Variants in PTPRD observed in about 807,000 individuals in gnomAD.
The protein encoded by PTPRD is receptor-type tyrosine-protein phosphatase delta.
A neutral mutation model predicts 214.5 loss-of-function variants in PTPRD; 34 were observed. The observed-to-expected ratio is 0.16, with a 90% CI of 0.12 to 0.21. The LOEUF (loss-of-function observed/expected upper bound fraction) is 0.21, where lower values mean the gene tolerates loss of function less well. PTPRD is among the 10% of genes least tolerant of loss of function. The pLI, the probability that PTPRD is intolerant of heterozygous loss-of-function variation, is 1.00. For missense variants in PTPRD, 2,545 were observed against 2,398.7 expected, an observed-to-expected ratio of 1.06 and a Z score of -1.27; for synonymous variants, 1,128 against 845.7, an observed-to-expected ratio of 1.33 and a Z score of -5.79.
chr9:8,508,144 A>G (rs532511921), intron 21 of PTPRD, among the ~76,000 whole-genome samples: 4 of 152,360 alleles, frequency 2.6e-5, no homozygotes, highest in African/African-American at 9.6e-5. Flanking sequence ...TAAGAAGTTT[A>G]TAGGATACAC....
At chr9:9,366,163 T>C (rs1223593303) in intron 9 of PTPRD, among the ~76,000 whole-genome samples, 2 of 151,460 alleles carry the variant, frequency 1.3e-5, no homozygotes, top group African/African-American at 2.4e-5. Flanking sequence ...AATTACCAAC[T>C]GACCAATTTT....
At chr9:9,139,179 C>A (rs1295265821) in intron 10 of PTPRD, among the ~76,000 whole-genome samples, 1 of 147,702 alleles carries the variant, frequency 6.8e-6, no homozygotes, top group South Asian at 2.3e-4. Context: ...CAATTCTGAA[C>A]CCTATATTTA....
At chr9:10,221,997 TA>T (rs1482198067) in intron 3 of PTPRD, among the ~76,000 whole-genome samples, 6 of 151,686 alleles carry the variant, frequency 4.0e-5, no homozygotes, top group African/African-American at 1.5e-4. Flanking sequence ...TTGTTACTTA[TA>T]TCAGAAATAG....
intron 3 of PTPRD, among the ~76,000 whole-genome samples, chr9:10,161,276 C>T (rs2099125742): frequency 6.6e-6 from 1 of 151,718 alleles, no homozygotes; most frequent in African/African-American, 2.4e-5. Flanking sequence ...ACAAAAAGAA[C>T]AAAGCATCAC....
At chr9:8,801,803 G>A (rs1398592504) in intron 11 of PTPRD, among the ~76,000 whole-genome samples, 3 of 152,184 alleles carry the variant, frequency 2.0e-5, no homozygotes, top group Non-Finnish European at 4.4e-5. Context: ...TTCTTTCACT[G>A]TGTGCCATGT....
chr9:8,404,650 G>C lies in PTPRD; in HGVS notation c.4097C>G (p.Pro1366Arg). ...KFSQEYESID[P>R]GQQFTWEHSN... Reference sequence around the variant, plus strand: ...ATGTTCCCAAGTGAACTGCTGGCCAGGGTCAATTGACTTTAAAAGGAAAAC... The same window carrying C: ...ATGTTCCCAAGTGAACTGCTGGCCACGGTCAATTGACTTTAAAAGGAAAAC... Residue 1366 changes from proline (P) to arginine (R), a missense_variant, in exon 36 of 46, where the codon CCT (proline) becomes CGT (arginine). Physicochemically the swap from Pro to Arg is moderately radical, Grantham distance 103. Coordinates refer to ENST00000381196, the MANE Select transcript of PTPRD (RefSeq NM_002839.4). The C allele has an allele frequency of 6.2e-7, 1 of 1,609,488 alleles. No homozygotes were observed. The highest frequency in any genetic ancestry group is 8.5e-7 in the Non-Finnish European group (1 of 1,176,698).
chr9:9,968,581 G>A (rs2094871401), intron 4 of PTPRD, among the ~76,000 whole-genome samples: 1 of 152,124 alleles, frequency 6.6e-6, no homozygotes, highest in Non-Finnish European at 1.5e-5. Context: ...ACCAAAAAGA[G>A]GGTCTTTGCC....
chr9:9,336,926 T>C (rs1351755878), intron 9 of PTPRD, among the ~76,000 whole-genome samples: 1 of 152,192 alleles, frequency 6.6e-6, no homozygotes, highest in Admixed American at 6.6e-5. Flanking sequence ...TTTGACAGAA[T>C]ATATATAACA....
At chr9:9,072,573 T>A (rs1415652825) in intron 10 of PTPRD, among the ~76,000 whole-genome samples, 2 of 152,156 alleles carry the variant, frequency 1.3e-5, no homozygotes, top group African/African-American at 4.8e-5. Flanking sequence ...AATTATACTT[T>A]TATAAAAATA....
intron 12 of PTPRD, among the ~76,000 whole-genome samples, chr9:8,707,675 T>C (rs1208335505): frequency 1.3e-5 from 2 of 152,368 alleles, no homozygotes; most frequent in East Asian, 3.9e-4. Context: ...TCTGATTCCC[T>C]AATTATATTG....
chr9:9,774,320 A>G (rs1270595295), intron 5 of PTPRD, among the ~76,000 whole-genome samples: 7 of 152,236 alleles, frequency 4.6e-5, no homozygotes, highest in Non-Finnish European at 2.9e-5. Context: ...ATATTGATAC[A>G]TATTTACATA....
chr9:8,608,378 G>A (rs532972730), intron 14 of PTPRD, among the ~76,000 whole-genome samples: 2 of 152,266 alleles, frequency 1.3e-5, no homozygotes, highest in South Asian at 4.2e-4. Flanking sequence ...CTAATAAAGA[G>A]ATTAGATAGG....
In PTPRD at chr9:8,790,164, G is replaced by T. The variant is rs13293584; in HGVS notation, c.-103-56218C>A. The stretch of plus-strand genomic sequence containing the variant: ...CCTGAATAGCTGGGACTACAGGCAC[G>T]CATCACTATGCCTAATATTTTTTTT... On this transcript the variant is annotated intron_variant, in intron 11 of 45. Transcript: ENST00000381196. Among the ~76,000 whole-genome samples, 11 of 151,312 alleles carry T rather than the reference G, an allele frequency of 7.3e-5. No homozygotes were observed. In the East Asian group the frequency reaches 1.8e-3, roughly 24 times the overall value.
chr9:9,230,901 T>C (rs1408010095), intron 9 of PTPRD, among the ~76,000 whole-genome samples: 2 of 152,160 alleles, frequency 1.3e-5, no homozygotes, highest in East Asian at 3.9e-4. Context: ...CAATTAATTC[T>C]GGAAGCTAAG....
chr9:8,833,715 T>TACACACACACAC (rs1177957119), intron 11 of PTPRD, among the ~76,000 whole-genome samples: 2 of 133,718 alleles, frequency 1.5e-5, no homozygotes, highest in African/African-American at 5.7e-5. Context: ...TATATATATA[T>TACACACACACAC]ACACACACAC....
At chr9:9,727,444 C>T (rs2098115481) in intron 7 of PTPRD, among the ~76,000 whole-genome samples, 1 of 152,038 alleles carries the variant, frequency 6.6e-6, no homozygotes. Context: ...GAGTGAGACC[C>T]TGTCTGAAAA....
At chr9:9,014,585 T>C (rs1448591360) in intron 11 of PTPRD, among the ~76,000 whole-genome samples, 1 of 152,172 alleles carries the variant, frequency 6.6e-6, no homozygotes, top group Non-Finnish European at 1.5e-5. Flanking sequence ...GAAATATGTG[T>C]GTTTATTTAT....
At chr9:8,506,471 T>C (rs1411945902) in intron 22 of PTPRD, among the ~76,000 whole-genome samples, 1 of 152,218 alleles carries the variant, frequency 6.6e-6, no homozygotes, top group Non-Finnish European at 1.5e-5. Context: ...CAAGAAGCAG[T>C]AGACCCTAAC....
intron 3 of PTPRD, among the ~76,000 whole-genome samples, chr9:10,249,777 A>G (rs1205495550): frequency 6.6e-6 from 1 of 152,210 alleles, no homozygotes; most frequent in Non-Finnish European, 1.5e-5. Flanking sequence ...CTGGTAACAA[A>G]TATCATACAG....
Sources: allele counts gnomAD v4.1 joint callset (sites outside exome capture counted in the v4.1 genomes callset), GRCh38; gene constraint gnomAD v4.1.1; transcripts MANE v1.5; gene names NCBI Gene and HGNC (gene_info 2026-07-23, HGNC 2026-07-21).